The following TLN2 variants were observed in gnomAD, a reference collection of about 807,000 sequenced individuals.
TLN2 encodes the protein talin-2.
In TLN2, 118 loss-of-function variants were observed where a neutral mutation model predicts 294.7. The ratio of observed to expected loss-of-function variants is 0.40; its 90% confidence interval spans 0.34 to 0.47. The LOEUF is 0.47. TLN2 is among the 20% of genes least tolerant of loss of function. The probability of loss-of-function intolerance (pLI) is 0.84; values close to 1 mark genes in which losing one functional copy is unlikely to be tolerated. For synonymous variants in TLN2, 1,431 were observed against 1,304.5 expected (o/e 1.10, Z -2.09); for missense variants, 3,083 against 3,282.2 (o/e 0.94, Z 1.48).
intron 9 of TLN2, among the ~76,000 whole-genome samples, chr15:62,667,895 A>G (rs2054905733): frequency 6.6e-6 from 1 of 152,264 alleles, no homozygotes; most frequent in Non-Finnish European, 1.5e-5. Context: ...GCCATTTGTG[A>G]CAACATGGAT....
At chr15:62,821,541 G>A (rs1300891189) in intron 54 of TLN2, among the ~76,000 whole-genome samples, 1 of 152,238 alleles carries the variant, frequency 6.6e-6, no homozygotes, top group African/African-American at 2.4e-5. Flanking sequence ...CAAAAGCAGT[G>A]CCTGGGCCAG....
intron 11 of TLN2, among the ~76,000 whole-genome samples, chr15:62,686,057 T>C (rs927249910): frequency 2.2e-4 from 34 of 152,196 alleles, no homozygotes; most frequent in African/African-American, 8.0e-4. Context: ...TCCATTATTT[T>C]AATAGACATT....
At chr15:62,393,207 C>T (rs1460278829) in intron 1 of TLN2, among the ~76,000 whole-genome samples, 1 of 152,106 alleles carries the variant, frequency 6.6e-6, no homozygotes, top group Non-Finnish European at 1.5e-5. Context: ...CCTTTGTAAC[C>T]ATTTAAGTTA....
At chr15:62,832,751 G>C (rs1453128936) in intron 54 of TLN2, 3 of 151,984 alleles carry the variant, frequency 2.0e-5, no homozygotes, top group Non-Finnish European at 4.4e-5. Flanking sequence ...AACTCTCTCA[G>C]TGCTCAGCCA....
At chr15:62,432,186 A>G (rs1323386489) in intron 1 of TLN2, among the ~76,000 whole-genome samples, 2 of 152,164 alleles carry the variant, frequency 1.3e-5, no homozygotes, top group Admixed American at 6.5e-5. Flanking sequence ...ATTTTTTATT[A>G]GGTCCTCTGG....
At chr15:62,455,427 G>A (rs1216639884) in intron 1 of TLN2, among the ~76,000 whole-genome samples, 1 of 152,192 alleles carries the variant, frequency 6.6e-6, no homozygotes, top group Non-Finnish European at 1.5e-5. Flanking sequence ...GTACAGCGCA[G>A]TAGGAGTCAG....
At chr15:62,802,988 G>A (rs1460831584) in intron 50 of TLN2, among the ~76,000 whole-genome samples, 1 of 152,152 alleles carries the variant, frequency 6.6e-6, no homozygotes, top group Non-Finnish European at 1.5e-5. Flanking sequence ...TGTCAGATAT[G>A]TAGTTTGCAA....
At chr15:62,671,575 A>T (rs1057152782) in intron 9 of TLN2, among the ~76,000 whole-genome samples, 1 of 152,196 alleles carries the variant, frequency 6.6e-6, no homozygotes, top group Non-Finnish European at 1.5e-5. Flanking sequence ...CCCTTGTTGA[A>T]AATCAGTTGA....
intron 1 of TLN2, among the ~76,000 whole-genome samples, chr15:62,514,447 CAA>C (rs2040085519): frequency 6.6e-6 from 1 of 152,120 alleles, no homozygotes; most frequent in Non-Finnish European, 1.5e-5. Context: ...TTTCCCCTCT[CAA>C]AGGTCTTTTA....
At chr15:62,781,939 G>A (rs960808362) in intron 44 of TLN2, among the ~76,000 whole-genome samples, 6 of 152,200 alleles carry the variant, frequency 3.9e-5, no homozygotes, top group South Asian at 4.1e-4. Context: ...ATGTTAAGCA[G>A]TTATACGAAA....
chr15:62,742,735 A>G (rs9806385), intron 32 of TLN2, among the ~76,000 whole-genome samples: 149,901 of 152,336 alleles, frequency 0.98, 73,804 homozygotes, highest in Middle Eastern at 1. Flanking sequence ...AAATCATCAC[A>G]TGAAAATGAT....
At chr15:62,684,893 T>G (rs1400825672) in intron 11 of TLN2, among the ~76,000 whole-genome samples, 1 of 149,590 alleles carries the variant, frequency 6.7e-6, no homozygotes, top group Admixed American at 6.7e-5. Context: ...TCCAGCTCTG[T>G]TTTATGTGCC....
intron 2 of TLN2, among the ~76,000 whole-genome samples, 180 bp from the exon 3 acceptor site, chr15:62,618,171 C>G (rs2048468197): frequency 7.6e-6 from 1 of 131,058 alleles, no homozygotes; most frequent in South Asian, 2.5e-4. Context: ...GCCCAAGACC[C>G]TAGGAAATAT....
rs74336403 is a variant in TLN2, at chr15:62,470,166, A to G, written c.-238+79481A>G. Among the ~76,000 whole-genome samples the G allele has an allele frequency of 9.7e-4, 147 of 152,290 alleles. 3 individuals carry two copies. In the East Asian group the frequency reaches 0.027, roughly 28 times the overall value. On this transcript the variant is annotated intron_variant, in intron 1 of 58. Coordinates refer to ENST00000636159, the MANE Select transcript of TLN2 (RefSeq NM_015059.3). Reference sequence around the variant, plus strand: ...CCCACTGAGACTGCACATAAGTGGGATCCTTCCCAAATTCTGAGGGCTCAC... The same window carrying G: ...CCCACTGAGACTGCACATAAGTGGGGTCCTTCCCAAATTCTGAGGGCTCAC...
chr15:62,530,479 T>C (rs2040982686), intron 1 of TLN2, among the ~76,000 whole-genome samples: 1 of 152,106 alleles, frequency 6.6e-6, no homozygotes, highest in South Asian at 2.1e-4. Flanking sequence ...TGCCCCAGCC[T>C]CCAAGTAGTT....
chr15:62,508,912 G>A (rs1176766739), intron 1 of TLN2, among the ~76,000 whole-genome samples: 1 of 152,114 alleles, frequency 6.6e-6, no homozygotes, highest in African/African-American at 2.4e-5. Context: ...TGGTATTTTT[G>A]TATATACATG....
At chr15:62,424,312 G>A (rs2034581330) in intron 1 of TLN2, among the ~76,000 whole-genome samples, 1 of 152,178 alleles carries the variant, frequency 6.6e-6, no homozygotes, top group African/African-American at 2.4e-5. Flanking sequence ...CTTTTCTTAA[G>A]GGAGGCAGCT....
intron 44 of TLN2, among the ~76,000 whole-genome samples, chr15:62,781,836 T>C (rs1226194111): frequency 1.3e-5 from 2 of 152,210 alleles, no homozygotes; most frequent in Admixed American, 6.5e-5. Flanking sequence ...TTTTGTTTGT[T>C]TGTTTGTTTT....
chr15:62,463,467 A>G (rs1459668091), intron 1 of TLN2, among the ~76,000 whole-genome samples: 1 of 152,238 alleles, frequency 6.6e-6, no homozygotes, highest in East Asian at 1.9e-4. Context: ...CCAAGAAGGT[A>G]CCTTGTTTCC....
Sources: allele counts gnomAD v4.1 joint callset (sites outside exome capture counted in the v4.1 genomes callset), GRCh38; gene constraint gnomAD v4.1.1; transcripts MANE v1.5; gene names NCBI Gene and HGNC (gene_info 2026-07-23, HGNC 2026-07-21).